Variants in ATP12A observed in about 807,000 individuals in gnomAD.
ATP12A encodes potassium-transporting ATPase alpha chain 2.
In ATP12A, 81 loss-of-function variants were observed where a neutral mutation model predicts 111.2. That is an observed-to-expected ratio of 0.73 (90% confidence interval 0.61 to 0.88). The LOEUF (loss-of-function observed/expected upper bound fraction) is 0.88, where lower values mean the gene tolerates loss of function less well. Among genes scored for constraint, ATP12A ranks in the 40% least tolerant of loss-of-function variants. ATP12A has a pLI of 0.00. For missense variants in ATP12A, 1,196 were observed against 1,313.1 expected (o/e 0.91, Z 1.38); for synonymous variants, 498 against 499.8 (o/e 1.00, Z 0.05).
rs1053509250 is a variant in ATP12A at position 24,680,785 on chromosome 13, G to C, written c.9+33G>C. The stretch of plus-strand genomic sequence containing the variant: ...CAGCCCCCGCGCCGGCCGAGGATGC[G>C]AGACGCTGGGCCAAGGCCCCGGGGA... On this transcript the variant is annotated intron_variant, in intron 1 of 22. Coordinates refer to ENST00000381946, the MANE Select transcript of ATP12A (RefSeq NM_001676.7). 5.4e-6 allele frequency: 8 copies of C among 1,479,668 alleles called. No homozygotes were observed. In the South Asian group the frequency reaches 9.0e-5, roughly 17 times the overall value. 91.7% of individuals were successfully genotyped at this position (1,479,668 alleles called of 1,614,324 possible). A position where few individuals can be genotyped will look rare whatever the true frequency, so the allele number is the denominator to read the frequency against.
At chr13:24,683,155 C>T (rs1171843472) in intron 2 of ATP12A, among the ~76,000 whole-genome samples, 6 of 152,042 alleles carry the variant, frequency 3.9e-5, no homozygotes, top group Admixed American at 3.9e-4. Flanking sequence ...ACGGGGTTTC[C>T]CCATGTTGGC....
chr13:24,694,694 C>G, intron 11 of ATP12A, 116 bp downstream of exon 11: 1 of 1,506,434 alleles, frequency 6.6e-7, no homozygotes, highest in African/African-American at 1.4e-5. Context: ...AGACAGTCGT[C>G]AGGGATACAG....
rs1024257462 is a variant in ATP12A, at chr13:24,685,256, G to C, written c.169-58G>C. On this transcript the variant is annotated intron_variant, in intron 2 of 22. Coordinates refer to ENST00000381946, the MANE Select transcript of ATP12A (RefSeq NM_001676.7). This position sits in a 1 kb window ranked among gnomAD's most constrained non-coding sequence, Gnocchi z 5.5. ...AGCTTCCATGGCTGGTCAAAGCTTG[G>C]GGCTTGAGTCTTTTGGAATTATCTA... The C allele has an allele frequency of 1.3e-6, 2 of 1,547,536 alleles. No individual in the cohort carries two copies. The highest frequency in any genetic ancestry group is 2.2e-5 in the South Asian group (2 of 89,656).
At chr13:24,684,280 T>C (rs867186533) in intron 2 of ATP12A, among the ~76,000 whole-genome samples, 4 of 152,296 alleles carry the variant, frequency 2.6e-5, no homozygotes, top group Middle Eastern at 3.4e-3. Context: ...AAACAGAATC[T>C]GGCTGAGAAG....
intron 18 of ATP12A, 72 bp downstream of exon 18, chr13:24,709,559 C>A: frequency 6.3e-7 from 1 of 1,597,152 alleles, no homozygotes; most frequent in South Asian, 1.1e-5. Flanking sequence ...GGGGGCACAG[C>A]CAGAAAGTGT....
rs1258618908 is a variant in ATP12A at position 24,689,913 on chromosome 13, C to T, written c.547-425C>T. Among the ~76,000 whole-genome samples the T allele has an allele frequency of 2.6e-5, 4 of 152,072 alleles. No individual in the cohort carries two copies. The East Asian group carries it at 7.7e-4, about 29-fold the overall frequency. On this transcript the variant is annotated intron_variant, in intron 5 of 22. Transcript: ENST00000381946. ...ACCTCGTTAAAATTTCCCTGACACTCGCAAGATTATCAGCCTCCCCAGCCC... is the reference window on the plus strand; with the variant it reads ...ACCTCGTTAAAATTTCCCTGACACTTGCAAGATTATCAGCCTCCCCAGCCC...
Position 24,707,040 on chromosome 13 carries a change from G to C in ATP12A, c.2187G>C (p.Val729=), listed in dbSNP as rs760788448. The part of the protein sequence containing the change: ...GCQRQDAVVA[V]TGDGVNDSPA... The stretch of plus-strand genomic sequence containing the variant: ...CGCCATAGGATGCTGTTGTTGCTGT[G>C]ACCGGGGATGGAGTTAATGACTCTC... Residue 729 remains valine, a synonymous_variant, in exon 16 of 23, where the codon GTG becomes GTC. Coordinates refer to ENST00000381946, the MANE Select transcript of ATP12A (RefSeq NM_001676.7). 34 of 1,607,438 alleles carry C rather than the reference G, an allele frequency of 2.1e-5. No homozygotes were observed. The South Asian group carries it at 3.4e-4, about 16-fold the overall frequency.
At chr13:24,690,234 G>C in intron 5 of ATP12A, 104 bp from the exon 6 acceptor site, 5 of 1,524,012 alleles carry the variant, frequency 3.3e-6, no homozygotes, top group Non-Finnish European at 4.4e-6. Flanking sequence ...AGAGTGATCA[G>C]GAAGTTCCAA....
At chr13:24,690,187 C>T (rs557297728) in intron 5 of ATP12A, 151 bp from the exon 6 acceptor site, 1 of 1,198,088 alleles carries the variant, frequency 8.3e-7, no homozygotes, top group South Asian at 1.5e-5. Context: ...TCCACAGGGC[C>T]AGGTGCAGGC....
At chr13:24,701,886 C>T in intron 13 of ATP12A, 49 bp from the exon 14 acceptor site, 2 of 1,612,648 alleles carry the variant, frequency 1.2e-6, no homozygotes, top group Non-Finnish European at 1.7e-6. Context: ...CCACTTTGGC[C>T]AACCGAGTTC....
chr13:24,706,452 T>C lies in ATP12A; in HGVS notation c.2158T>C (p.Cys720Arg). 6.2e-7 allele frequency: 1 copy of C among 1,613,966 alleles called. No homozygotes were observed. Among genetic ancestry groups the C allele is most frequent in the East Asian group, 2.2e-5 (1 of 44,892 alleles). ...GCAGAAGCTGATCATTGTGGAGGGCTGTCAGAGGCAGGTGGGTGGACAGCA... is the reference window on the plus strand; with the variant it reads ...GCAGAAGCTGATCATTGTGGAGGGCCGTCAGAGGCAGGTGGGTGGACAGCA... The part of the protein sequence containing the change: ...PQQKLIIVEG[C>R]QRQDAVVAVT... Residue 720 changes from cysteine to arginine, a missense_variant, in exon 15 of 23, where the codon TGT (cysteine) becomes CGT (arginine). This residue lies in a region of ATP12A where 1,126 missense variants were observed against 1,228.5 expected (regional missense o/e 0.92). Coordinates refer to ENST00000381946, the MANE Select transcript of ATP12A (RefSeq NM_001676.7).
At position 24,680,584 on chromosome 13, in the gene ATP12A, G is replaced by A; in HGVS notation, c.-160G>A. On this transcript the variant is annotated 5_prime_UTR_variant, in exon 1 of 23. Coordinates refer to ENST00000381946, the MANE Select transcript of ATP12A (RefSeq NM_001676.7). ...GGTGCAGCGGCTGGCGATCGGCCGCGGAGGTGCGTGCAGGGCCCGCGCCGC... is the reference window on the plus strand; with the variant it reads ...GGTGCAGCGGCTGGCGATCGGCCGCAGAGGTGCGTGCAGGGCCCGCGCCGC... 1 of 732,404 alleles carries A rather than the reference G, an allele frequency of 1.4e-6. No homozygotes were observed. Among genetic ancestry groups the A allele is most frequent in the East Asian group, 3.5e-5 (1 of 28,844 alleles). The allele number at this position is 732,404 out of a possible 1,614,324, so 45.4% of individuals were successfully genotyped here.
chr13:24,682,150 TGTG>T (rs1434543978), intron 2 of ATP12A, among the ~76,000 whole-genome samples: 4 of 128,010 alleles, frequency 3.1e-5, no homozygotes, highest in African/African-American at 1.2e-4. Flanking sequence ...ATGTGTGTGG[TGTG>T]TGTGTGGTGT....
rs138150719 is a variant in ATP12A, at chr13:24,691,208, C to G, written c.1026C>G (p.Ile342Met). 73 of 1,613,926 alleles carry G rather than the reference C, an allele frequency of 4.5e-5. No homozygotes were observed. The highest frequency in any genetic ancestry group is 5.8e-5 in the Non-Finnish European group (68 of 1,179,970). Residue 342 changes from isoleucine (I) to methionine (M), a missense_variant, in exon 8 of 23, where the codon ATC becomes ATG. By Grantham distance (10) the Ile-to-Met change is conservative. Coordinates refer to ENST00000381946, the MANE Select transcript of ATP12A (RefSeq NM_001676.7). ...ACTCCATCATCTTCCTCATTGGCAT[C>G]ATTGTGGCCAATGTGCCCGAGGGCC... ...VLDSIIFLIG[I>M]IVANVPEGLL...
intron 17 of ATP12A, among the ~76,000 whole-genome samples, chr13:24,707,822 G>A (rs1875738210): frequency 6.6e-6 from 1 of 152,136 alleles, no homozygotes; most frequent in Non-Finnish European, 1.5e-5. Flanking sequence ...GGGACTACAG[G>A]CTTGTGCCAC....
At chr13:24,686,452 A>G (rs1322775835) in intron 3 of ATP12A, among the ~76,000 whole-genome samples, 176 of 149,992 alleles carry the variant, frequency 1.2e-3, no homozygotes, top group Non-Finnish European at 1.3e-3. Context: ...AAAAAAAAAA[A>G]AAAAAGGGCC....
rs1390397042 is a variant in ATP12A, at chr13:24,696,432, C to G, written c.1512+1854C>G. On this transcript the variant is annotated intron_variant, in intron 11 of 22. Coordinates refer to ENST00000381946, the MANE Select transcript of ATP12A (RefSeq NM_001676.7). ...CTAGAAAGGGGAGAGGGGGGCCGGG[C>G]GCGGTGGCTCACGCCTGTAATCCCA... 8.6e-5 allele frequency among the ~76,000 whole-genome samples: 6 copies of G among 69,902 alleles called. 2 individuals are homozygous for G. The East Asian group carries it at 5.4e-3, about 63-fold the overall frequency. 45.9% of individuals were successfully genotyped at this position (69,902 alleles called of 152,430 possible).
Position 24,710,857 on chromosome 13 carries a change from T to G in ATP12A, c.2963T>G (p.Leu988Arg). 6.2e-7 allele frequency: 1 copy of G among 1,614,226 alleles called. No homozygotes were observed. The highest frequency in any genetic ancestry group is 8.5e-7 in the Non-Finnish European group (1 of 1,180,046). ...IIIGLILSYG[L>R]GSVTALSFTM... ...ATTGGTCTGATCCTCTCCTATGGCC[T>G]CGGAAGTGTCACAGCCTTGAGTTTC... Residue 988 changes from leucine to arginine, a missense_variant, in exon 21 of 23, where the codon CTC becomes CGC. Leu to Arg is a moderately radical substitution (Grantham distance 102). Transcript: ENST00000381946.
intron 2 of ATP12A, among the ~76,000 whole-genome samples, chr13:24,684,678 G>A (rs12860747): frequency 0.048 from 7,361 of 152,326 alleles, 247 homozygotes; most frequent in South Asian, 0.14. Flanking sequence ...TATTCTCCCA[G>A]AATGGCAGCA....
Sources: gnomAD v4.1 joint callset for allele counts (sites outside exome capture counted in the v4.1 genomes callset) on GRCh38, gnomAD v4.1.1 for gene constraint, gnomAD v4.1.1 regional missense constraint, Gnocchi (gnomAD v3.1) non-coding constraint, MANE v1.5 for transcripts, NCBI Gene and HGNC (gene_info 2026-07-23, HGNC 2026-07-21) for gene names.